CNTNAP2: variants seen among roughly 807,000 people sequenced by gnomAD.
The protein encoded by CNTNAP2 is contactin associated protein 2.
Under a neutral mutation model 155.2 loss-of-function variants are expected in CNTNAP2, and 98 were observed. The ratio of observed to expected loss-of-function variants is 0.63; its 90% confidence interval spans 0.54 to 0.75. CNTNAP2 has a LOEUF of 0.75. Ranked by LOEUF, CNTNAP2 falls within the 30% of genes least tolerant of loss-of-function variation. CNTNAP2 has a pLI of 0.00. For synonymous variants in CNTNAP2, 651 were observed against 631.2 expected, an observed-to-expected ratio of 1.03 and a Z score of -0.47; for missense variants, 1,727 against 1,688.1, an observed-to-expected ratio of 1.02 and a Z score of -0.40.
At chr7:147,450,079 A>G (rs915514144) in intron 10 of CNTNAP2, among the ~76,000 whole-genome samples, 1 of 152,198 alleles carries the variant, frequency 6.6e-6, no homozygotes. Flanking sequence ...TATCACTCCC[A>G]TGATCATGTT....
At chr7:146,283,941 T>G (rs1052563953) in intron 1 of CNTNAP2, among the ~76,000 whole-genome samples, 1 of 152,052 alleles carries the variant, frequency 6.6e-6, no homozygotes, top group Non-Finnish European at 1.5e-5. Flanking sequence ...GCAAACAAAA[T>G]CAACAAGAAA....
At chr7:146,947,543 ATGTGTGTGTGTGTG>A (rs1162152721) in intron 3 of CNTNAP2, among the ~76,000 whole-genome samples, 6 of 74,412 alleles carry the variant, frequency 8.1e-5, no homozygotes, top group South Asian at 4.6e-4. Flanking sequence ...GTGTGTGTGT[ATGTGTGTGTGTGTG>A]TATATATATA....
intron 4 of CNTNAP2, among the ~76,000 whole-genome samples, chr7:147,055,365 T>C (rs571797872): frequency 6.6e-6 from 1 of 152,318 alleles, no homozygotes; most frequent in African/African-American, 2.4e-5. Context: ...ACTGTCCCTA[T>C]TACTCTAGGC....
intron 15 of CNTNAP2, among the ~76,000 whole-genome samples, chr7:148,012,771 G>A (rs552259952): frequency 5.3e-5 from 8 of 152,098 alleles, no homozygotes; most frequent in African/African-American, 9.6e-5. Flanking sequence ...CCAAGTTCCC[G>A]ATAGCTAACT....
chr7:146,735,917 A>G (rs1563210027), intron 1 of CNTNAP2, among the ~76,000 whole-genome samples: 1 of 152,160 alleles, frequency 6.6e-6, no homozygotes, highest in Non-Finnish European at 1.5e-5. Flanking sequence ...GAACGTTCCC[A>G]ACATTAAGAG....
chr7:147,639,830 T>A (rs1294662231), intron 13 of CNTNAP2, among the ~76,000 whole-genome samples: 1 of 152,202 alleles, frequency 6.6e-6, no homozygotes, highest in Non-Finnish European at 1.5e-5. Context: ...AGTGTGTGTG[T>A]GAGTGTGCAC....
chr7:147,140,203 C>G (rs1402806037), intron 8 of CNTNAP2, among the ~76,000 whole-genome samples: 2 of 152,006 alleles, frequency 1.3e-5, no homozygotes, highest in Non-Finnish European at 2.9e-5. Flanking sequence ...GATGTCTGTT[C>G]TCTCTACAAT....
intron 15 of CNTNAP2, among the ~76,000 whole-genome samples, chr7:148,037,116 C>G (rs780370699): frequency 6.6e-6 from 1 of 152,168 alleles, no homozygotes; most frequent in African/African-American, 2.4e-5. Flanking sequence ...AGCTCAGAAT[C>G]CAGTATTGCC....
intron 1 of CNTNAP2, among the ~76,000 whole-genome samples, chr7:146,765,893 C>A (rs1001715625): frequency 9.2e-5 from 14 of 152,006 alleles, no homozygotes; most frequent in African/African-American, 3.4e-4. Context: ...GATGGAAAGG[C>A]CTTTGAGCAA....
At chr7:146,726,495 T>C (rs1423632781) in intron 1 of CNTNAP2, among the ~76,000 whole-genome samples, 2 of 152,184 alleles carry the variant, frequency 1.3e-5, no homozygotes, top group Non-Finnish European at 2.9e-5. Context: ...GTATAACAAG[T>C]GTTTGCTAAG....
chr7:147,700,802 G>A (rs1796226333), intron 13 of CNTNAP2, among the ~76,000 whole-genome samples: 1 of 152,220 alleles, frequency 6.6e-6, no homozygotes, highest in African/African-American at 2.4e-5. Flanking sequence ...AATGAGAGCA[G>A]TCCCTAAACT....
intron 1 of CNTNAP2, among the ~76,000 whole-genome samples, chr7:146,528,078 G>C (rs573597576): frequency 6.6e-6 from 1 of 152,018 alleles, no homozygotes; most frequent in African/African-American, 2.4e-5. Flanking sequence ...TTCTCAAAGA[G>C]GGCATTAAAA....
At chr7:146,414,854 C>T (rs766982320) in intron 1 of CNTNAP2, among the ~76,000 whole-genome samples, 3 of 151,850 alleles carry the variant, frequency 2.0e-5, no homozygotes, top group East Asian at 1.9e-4. Context: ...GGCATAGAGG[C>T]GTGCATTTAA....
intron 1 of CNTNAP2, among the ~76,000 whole-genome samples, chr7:146,246,236 T>TTG (rs1554406877): frequency 2.1e-4 from 31 of 149,278 alleles, no homozygotes; most frequent in Admixed American, 6.7e-4. Flanking sequence ...TGGGTTAAGG[T>TTG]GGGGTAATAC....
At chr7:146,852,782 A>G (rs1009219602) in intron 3 of CNTNAP2, among the ~76,000 whole-genome samples, 6 of 152,172 alleles carry the variant, frequency 3.9e-5, no homozygotes, top group African/African-American at 1.4e-4. Flanking sequence ...GGCAGGTTTC[A>G]TTAGTTCTCC....
intron 1 of CNTNAP2, among the ~76,000 whole-genome samples, chr7:146,225,716 C>T (rs751055384): frequency 4.4e-4 from 67 of 152,316 alleles, no homozygotes; most frequent in Admixed American, 7.8e-4. Context: ...CCTCTATCCT[C>T]ATCACACAGT....
chr7:148,063,652 T>G (rs1803201444), intron 15 of CNTNAP2, among the ~76,000 whole-genome samples: 1 of 151,720 alleles, frequency 6.6e-6, no homozygotes, highest in African/African-American at 2.4e-5. Context: ...AAAACTTCTG[T>G]AGTGGGTGAC....
Position 146,694,496 on chromosome 7 carries a change from G to C in CNTNAP2, c.98-79775G>C, listed in dbSNP as rs549303756. On this transcript the variant is annotated intron_variant, in intron 1 of 23. Transcript: ENST00000361727. ...TCTTTCAATGATGCTACCCAGTCTT[G>C]ATCACTATGGCCTAATATAAGGTCT... Among the ~76,000 whole-genome samples the C allele has an allele frequency of 5.0e-4, 76 of 152,102 alleles. 1 individual carries two copies. The highest frequency in any genetic ancestry group is 6.3e-3 in the Middle Eastern group (2 of 316).
At chr7:147,810,228 G>GAT (rs1453974637) in intron 13 of CNTNAP2, among the ~76,000 whole-genome samples, 1 of 150,300 alleles carries the variant, frequency 6.7e-6, no homozygotes, top group Non-Finnish European at 1.5e-5. Flanking sequence ...TATAGATATA[G>GAT]ATATATATCA....
Sources: gnomAD v4.1 joint callset for allele counts (sites outside exome capture counted in the v4.1 genomes callset) on GRCh38, gnomAD v4.1.1 for gene constraint, MANE v1.5 for transcripts, NCBI Gene and HGNC (gene_info 2026-07-23, HGNC 2026-07-21) for gene names.